CDK8: variants seen among roughly 807,000 people sequenced by gnomAD.
CDK8 encodes cyclin dependent kinase 8.
A neutral mutation model predicts 71.5 loss-of-function variants in CDK8; 29 were observed. That is an observed-to-expected ratio of 0.41 (90% confidence interval 0.30 to 0.55). The LOEUF (loss-of-function observed/expected upper bound fraction) is 0.55, where lower values mean the gene tolerates loss of function less well. CDK8 is among the 20% of genes least tolerant of loss of function. The pLI is 0.37. For missense variants in CDK8, 288 were observed against 572.6 expected (o/e 0.50, Z 5.07); for synonymous variants, 161 against 192.1 (o/e 0.84, Z 1.34).
chr13:26,380,609 C>T (rs1218749895), intron 4 of CDK8, among the ~76,000 whole-genome samples: 1 of 151,958 alleles, frequency 6.6e-6, no homozygotes, highest in Non-Finnish European at 1.5e-5. Flanking sequence ...TTAGCAGGAA[C>T]TACAGGCGTG....
intron 1 of CDK8, among the ~76,000 whole-genome samples, chr13:26,288,813 G>T (rs903239149): frequency 1.5e-4 from 23 of 152,122 alleles, no homozygotes; most frequent in Non-Finnish European, 2.4e-4. Context: ...AGGCTGGAGT[G>T]CAGTGGCGTG....
rs563604625 is a variant in CDK8, at chr13:26,404,316, T to C, written c.*235T>C. The C allele has an allele frequency of 2.8e-5, 12 of 426,582 alleles. No individual in the cohort carries two copies. The highest frequency in any genetic ancestry group is 5.1e-5 in the Non-Finnish European group (12 of 236,064). 26.4% of individuals were successfully genotyped at this position (426,582 alleles called of 1,614,324 possible). A position where few individuals can be genotyped will look rare whatever the true frequency, so the allele number is the denominator to read the frequency against. On this transcript the variant is annotated 3_prime_UTR_variant, in exon 13 of 13. Coordinates refer to ENST00000381527, the MANE Select transcript of CDK8 (RefSeq NM_001260.3). ...AGCACAGTTTGTGTTGTGGATTTGC[T>C]ACTTCCATAGTTTACTTGACATGGT...
chr13:26,351,664 G>A (rs1057341460), intron 3 of CDK8, among the ~76,000 whole-genome samples: 1 of 152,210 alleles, frequency 6.6e-6, no homozygotes, highest in Non-Finnish European at 1.5e-5. Flanking sequence ...GGGTAATATT[G>A]TACAGTGCAT....
chr13:26,333,156 T>G (rs78434247), intron 1 of CDK8, among the ~76,000 whole-genome samples: 1 of 152,076 alleles, frequency 6.6e-6, no homozygotes, highest in Non-Finnish European at 1.5e-5. Context: ...TTTTTTTTTT[T>G]GAGACTCAGT....
chr13:26,362,592 G>A (rs1874199216), intron 4 of CDK8, among the ~76,000 whole-genome samples: 1 of 152,104 alleles, frequency 6.6e-6, no homozygotes, highest in South Asian at 2.1e-4. Flanking sequence ...CTGCCTTTTT[G>A]TTCCATCTGG....
intron 9 of CDK8, chr13:26,400,138 AAGAAT>A (rs1286399905): frequency 1.7e-5 from 4 of 231,934 alleles, no homozygotes; most frequent in Non-Finnish European, 3.4e-5. Flanking sequence ...TTAATAGAAA[AAGAAT>A]AGAAAATACA....
At chr13:26,372,410 T>G (rs1874732981) in intron 4 of CDK8, among the ~76,000 whole-genome samples, 1 of 152,234 alleles carries the variant, frequency 6.6e-6, no homozygotes, top group East Asian at 1.9e-4. Context: ...GAAAAAGAAA[T>G]AATAATAGAT....
chr13:26,275,478 A>G (rs989764985), intron 1 of CDK8, among the ~76,000 whole-genome samples: 2 of 152,164 alleles, frequency 1.3e-5, no homozygotes, highest in Admixed American at 1.3e-4. Flanking sequence ...AAGGTATTCT[A>G]TTTAAGTAGT....
At chr13:26,313,937 G>C (rs1267185654) in intron 1 of CDK8, among the ~76,000 whole-genome samples, 1 of 152,198 alleles carries the variant, frequency 6.6e-6, no homozygotes, top group Non-Finnish European at 1.5e-5. Context: ...TGGGTAAATG[G>C]TGAACCACAG....
Position 26,353,821 on chromosome 13 carries a change from T to C in CDK8, c.397T>C (p.Tyr133His), listed in dbSNP as rs1428137283. The C allele has an allele frequency of 6.2e-7, 1 of 1,612,670 alleles. No individual in the cohort carries two copies. The highest frequency in any genetic ancestry group is 8.5e-7 in the Non-Finnish European group (1 of 1,178,748). The stretch of plus-strand genomic sequence containing the variant: ...TCGGGGAATGGTGAAGTCACTATTA[T>C]ATCAGATCCTAGATGGTATTCACTA... Reference protein sequence around the residue: ...LPRGMVKSLLYQILDGIHYLH... With the variant: ...LPRGMVKSLLHQILDGIHYLH... Residue 133 changes from tyrosine to histidine, a missense_variant, in exon 4 of 13, where the codon TAT becomes CAT. Tyr to His is a moderately conservative substitution (Grantham distance 83). Coordinates refer to ENST00000381527, the MANE Select transcript of CDK8 (RefSeq NM_001260.3).
intron 2 of CDK8, among the ~76,000 whole-genome samples, chr13:26,343,669 G>T (rs868511893): frequency 3.9e-5 from 6 of 152,242 alleles, no homozygotes; most frequent in Admixed American, 1.3e-4. Flanking sequence ...GGACATTAAT[G>T]TACACTACTG....
chr13:26,309,302 G>C (rs1318595890), intron 1 of CDK8, among the ~76,000 whole-genome samples: 2 of 152,016 alleles, frequency 1.3e-5, no homozygotes, highest in African/African-American at 4.8e-5. Flanking sequence ...ACCATGCCCA[G>C]CTAATTTTTT....
chr13:26,321,201 G>A (rs1377011129), intron 1 of CDK8, among the ~76,000 whole-genome samples: 2 of 152,168 alleles, frequency 1.3e-5, no homozygotes, highest in East Asian at 1.9e-4. Context: ...ACATTAGTAA[G>A]CCTTAAAAAG....
At chr13:26,314,774 A>G (rs940305690) in intron 1 of CDK8, among the ~76,000 whole-genome samples, 52 of 152,328 alleles carry the variant, frequency 3.4e-4, no homozygotes, top group South Asian at 2.7e-3. Context: ...TCTTCTGGCA[A>G]TTGATCTTTT....
intron 4 of CDK8, among the ~76,000 whole-genome samples, chr13:26,365,736 A>G (rs1874356903): frequency 1.3e-5 from 2 of 152,142 alleles, no homozygotes; most frequent in South Asian, 2.1e-4. Flanking sequence ...AACAAAATAT[A>G]CTATCATCCA....
chr13:26,287,355 A>G (rs1341180997), intron 1 of CDK8, among the ~76,000 whole-genome samples: 5 of 152,044 alleles, frequency 3.3e-5, no homozygotes, highest in Non-Finnish European at 5.9e-5. Flanking sequence ...TGCAACCTCC[A>G]ACACACATAC....
At chr13:26,345,984 T>C (rs1873446508) in intron 2 of CDK8, among the ~76,000 whole-genome samples, 1 of 152,250 alleles carries the variant, frequency 6.6e-6, no homozygotes, top group African/African-American at 2.4e-5. Context: ...TTTATGTCTC[T>C]GGATTGTAAA....
At chr13:26,351,083 G>A (rs1312010068) in intron 3 of CDK8, among the ~76,000 whole-genome samples, 1 of 152,004 alleles carries the variant, frequency 6.6e-6, no homozygotes, top group African/African-American at 2.4e-5. Context: ...TCTGTATAGA[G>A]AACATCTGTT....
intron 1 of CDK8, among the ~76,000 whole-genome samples, chr13:26,258,914 C>T (rs1039376426): frequency 6.6e-6 from 1 of 152,098 alleles, no homozygotes; most frequent in South Asian, 2.1e-4. Context: ...ATGTCTTACG[C>T]TACCTTGCCA....
Sources: allele counts gnomAD v4.1 joint callset (sites outside exome capture counted in the v4.1 genomes callset), GRCh38; gene constraint gnomAD v4.1.1; transcripts MANE v1.5; gene names NCBI Gene and HGNC (gene_info 2026-07-23, HGNC 2026-07-21).